The following ARHGAP18 variants were observed in gnomAD, a reference collection of about 807,000 sequenced individuals.
ARHGAP18 encodes the protein rho GTPase-activating protein 18.
ARHGAP18 carries 67 observed loss-of-function variants against 86.2 expected under a neutral mutation model. The observed-to-expected ratio is 0.78, with a 90% confidence interval of 0.64 to 0.95. The LOEUF is 0.95. Ranked by LOEUF, ARHGAP18 falls within the 40% of genes least tolerant of loss-of-function variation. The probability of loss-of-function intolerance (pLI) is 0.00; values close to 1 mark genes in which losing one functional copy is unlikely to be tolerated. For missense variants in ARHGAP18, 691 were observed against 780.4 expected (o/e 0.89, Z 1.37); for synonymous variants, 283 against 280.4 (o/e 1.01, Z -0.09).
At chr6:129,622,699 A>G (rs1789254642) in intron 5 of ARHGAP18, among the ~76,000 whole-genome samples, 1 of 146,822 alleles carries the variant, frequency 6.8e-6, no homozygotes. Flanking sequence ...CCTCTTGAAA[A>G]ATGTGTTTAA....
intron 1 of ARHGAP18, among the ~76,000 whole-genome samples, chr6:129,693,142 C>T (rs1444441854): frequency 6.6e-6 from 1 of 152,172 alleles, no homozygotes; most frequent in African/African-American, 2.4e-5. Context: ...CTGTTTCACA[C>T]CCAAAGAGAA....
intron 13 of ARHGAP18, among the ~76,000 whole-genome samples, chr6:129,581,189 A>C (rs907877044): frequency 6.6e-6 from 1 of 152,150 alleles, no homozygotes; most frequent in African/African-American, 2.4e-5. Flanking sequence ...ACTTGTATTC[A>C]AGCCATTAGG....
chr6:129,584,151 A>G (rs1447986186), intron 12 of ARHGAP18, 39 bp from the exon 13 acceptor site: 2 of 1,611,974 alleles, frequency 1.2e-6, no homozygotes, highest in Admixed American at 3.3e-5. Flanking sequence ...AGCTGGCAGC[A>G]GCTGGAACGT....
intron 1 of ARHGAP18, among the ~76,000 whole-genome samples, chr6:129,667,009 T>C (rs573040769): frequency 6.6e-5 from 10 of 152,066 alleles, no homozygotes; most frequent in East Asian, 5.8e-4. Flanking sequence ...TAAAAAAAAA[T>C]TCAAAGTCTT....
intron 13 of ARHGAP18, among the ~76,000 whole-genome samples, chr6:129,583,054 A>C (rs1374979518): frequency 6.6e-6 from 1 of 152,192 alleles, no homozygotes; most frequent in African/African-American, 2.4e-5. Context: ...GAAGTATTTA[A>C]CATGTTTCTG....
At chr6:129,641,769 A>C in intron 2 of ARHGAP18, 47 bp downstream of exon 2, 1 of 1,529,362 alleles carries the variant, frequency 6.5e-7, no homozygotes, top group Non-Finnish European at 9.0e-7. Context: ...TTCATTTCCT[A>C]TAAATACATA....
chr6:129,687,320 G>A (rs1298673018), intron 1 of ARHGAP18, among the ~76,000 whole-genome samples: 1 of 152,136 alleles, frequency 6.6e-6, no homozygotes, highest in African/African-American at 2.4e-5. Context: ...AACTACAAAT[G>A]TTTGGAAATG....
intron 1 of ARHGAP18, among the ~76,000 whole-genome samples, chr6:129,687,123 C>A (rs987736377): frequency 6.6e-6 from 1 of 151,884 alleles, no homozygotes; most frequent in Non-Finnish European, 1.5e-5. Context: ...TGCGCCTGGC[C>A]ATAAAACCAT....
rs902130864 is a variant in ARHGAP18, at chr6:129,653,849, C to T, written c.114-11831G>A. Among the ~76,000 whole-genome samples, 3 of 151,892 alleles carry T rather than the reference C, an allele frequency of 2.0e-5. No individual in the cohort carries two copies. In the East Asian group the frequency reaches 5.8e-4, roughly 29 times the overall value. ...AAAAAAAAAAAATCCGACTCACCAG[C>T]CTGGGCAACATAGTGAGACATTGTC... On this transcript the variant is annotated intron_variant, in intron 1 of 14. Transcript: ENST00000368149.
At chr6:129,618,104 CA>C (rs200494600) in intron 6 of ARHGAP18, among the ~76,000 whole-genome samples, 1 of 114,182 alleles carries the variant, frequency 8.8e-6, no homozygotes, top group Admixed American at 8.6e-5. Flanking sequence ...AAGGTACTTA[CA>C]AAAAAAACAA....
intron 1 of ARHGAP18, among the ~76,000 whole-genome samples, chr6:129,695,867 G>A (rs1774608547): frequency 6.6e-6 from 1 of 151,930 alleles, no homozygotes; most frequent in Non-Finnish European, 1.5e-5. Flanking sequence ...TCCACCACCC[G>A]CCCCACCCAC....
chr6:129,602,313 C>T (rs1228286693), intron 10 of ARHGAP18, among the ~76,000 whole-genome samples: 1 of 152,116 alleles, frequency 6.6e-6, no homozygotes, highest in Non-Finnish European at 1.5e-5. Flanking sequence ...GGTGGTCATA[C>T]AGCTAACAAA....
intron 5 of ARHGAP18, among the ~76,000 whole-genome samples, chr6:129,626,243 G>A (rs1789469682): frequency 6.6e-6 from 1 of 151,070 alleles, no homozygotes; most frequent in African/African-American, 2.4e-5. Context: ...ATACTACTAT[G>A]GTATGATTTC....
chr6:129,699,059 G>A (rs1053800678), intron 1 of ARHGAP18, among the ~76,000 whole-genome samples: 1 of 151,760 alleles, frequency 6.6e-6, no homozygotes, highest in African/African-American at 2.4e-5. Flanking sequence ...GGCTGGTCTC[G>A]AACTCCTGAC....
chr6:129,707,458 T>C (rs1170416613), intron 1 of ARHGAP18, among the ~76,000 whole-genome samples: 1 of 151,842 alleles, frequency 6.6e-6, no homozygotes, highest in East Asian at 1.9e-4. Context: ...TAATTTAGCT[T>C]TTATTTTTTA....
At position 129,597,698 on chromosome 6, in the gene ARHGAP18, G is replaced by A. The variant is rs534242829; in HGVS notation, c.1713+1518C>T. ...AGCACCAAGGTGGCAATAGCATTTT[G>A]TTGATGAGTAACTGAATTTCACATA... On this transcript the variant is annotated intron_variant, in intron 12 of 14. Coordinates refer to ENST00000368149, the MANE Select transcript of ARHGAP18 (RefSeq NM_033515.3). Among the ~76,000 whole-genome samples the A allele has an allele frequency of 1.3e-4, 20 of 151,204 alleles. No homozygotes were observed. In the South Asian group the frequency reaches 3.3e-3, roughly 25 times the overall value.
At chr6:129,634,451 G>A (rs1773290280) in intron 3 of ARHGAP18, among the ~76,000 whole-genome samples, 1 of 152,068 alleles carries the variant, frequency 6.6e-6, no homozygotes, top group African/African-American at 2.4e-5. Context: ...GCAAAATGTG[G>A]TCTATCTGTA....
At chr6:129,671,054 T>A (rs1774132732) in intron 1 of ARHGAP18, among the ~76,000 whole-genome samples, 1 of 152,240 alleles carries the variant, frequency 6.6e-6, no homozygotes, top group African/African-American at 2.4e-5. Context: ...ACCCTCTAGT[T>A]CAGTGGCTGT....
chr6:129,687,199 G>A (rs1029204751), intron 1 of ARHGAP18, among the ~76,000 whole-genome samples: 1 of 151,872 alleles, frequency 6.6e-6, no homozygotes, highest in Non-Finnish European at 1.5e-5. Context: ...CAGGTATGCA[G>A]GGACCAGTTT....
Sources: allele counts gnomAD v4.1 joint callset (sites outside exome capture counted in the v4.1 genomes callset), GRCh38; gene constraint gnomAD v4.1.1; transcripts MANE v1.5; gene names NCBI Gene and HGNC (gene_info 2026-07-23, HGNC 2026-07-21).